Variants in ERCC6 observed in about 807,000 individuals in gnomAD.
ERCC6 encodes the protein DNA excision repair protein ERCC-6.
Under a neutral mutation model 158.7 loss-of-function variants are expected in ERCC6, and 116 were observed. The observed-to-expected ratio is 0.73, with a 90% confidence interval of 0.63 to 0.85. The LOEUF is 0.85. Ranked by LOEUF, ERCC6 falls within the 40% of genes least tolerant of loss-of-function variation. The pLI, the probability that ERCC6 is intolerant of heterozygous loss-of-function variation, is 0.00. For missense variants in ERCC6, 1,698 were observed against 1,799.4 expected, an observed-to-expected ratio of 0.94 and a Z score of 1.02; for synonymous variants, 678 against 659.3, an observed-to-expected ratio of 1.03 and a Z score of -0.43.
intron 5 of ERCC6, 59 bp downstream of exon 5, chr10:49,523,974 A>C: frequency 1.1e-5 from 17 of 1,603,130 alleles, no homozygotes; most frequent in African/African-American, 2.7e-5. Flanking sequence ...CATATTAATA[A>C]ACCTGTCACC....
At chr10:49,519,561 A>G (rs1000298378) in intron 5 of ERCC6, among the ~76,000 whole-genome samples, 1 of 152,196 alleles carries the variant, frequency 6.6e-6, no homozygotes, top group African/African-American at 2.4e-5. Context: ...CCAATGCACC[A>G]GGTCATCTGA....
In ERCC6 at chr10:49,530,734, G is replaced by C; in HGVS notation, c.529C>G (p.Gln177Glu). Residue 177 changes from glutamine to glutamate, a missense_variant, in exon 3 of 21, where the codon CAG becomes GAG. Transcript: ENST00000355832. ...TTCTGAATCACCTTATTATACTTCTGTCGTTTTACAGAATCTAGTTTCCTG... is the reference window on the plus strand; with the variant it reads ...TTCTGAATCACCTTATTATACTTCTCTCGTTTTACAGAATCTAGTTTCCTG... ...INRKLDSVKR[Q>E]KYNKEQQLKK... The C allele has an allele frequency of 1.2e-6, 2 of 1,613,390 alleles. No homozygotes were observed. The highest frequency in any genetic ancestry group is 1.7e-6 in the Non-Finnish European group (2 of 1,179,770).
intron 5 of ERCC6, among the ~76,000 whole-genome samples, chr10:49,523,519 C>T (rs778141050): frequency 6.6e-6 from 1 of 152,222 alleles, no homozygotes; most frequent in Non-Finnish European, 1.5e-5. Flanking sequence ...TATAATTATG[C>T]AGATGACTAT....
intron 19 of ERCC6, 22 bp downstream of exon 19, chr10:49,461,330 A>G: frequency 6.2e-7 from 1 of 1,609,300 alleles, no homozygotes; most frequent in Non-Finnish European, 8.5e-7. Context: ...CCTTGCAAGT[A>G]TGGCATGCAG....
chr10:49,486,541 C>G (rs1379809522), intron 8 of ERCC6, among the ~76,000 whole-genome samples: 1 of 151,242 alleles, frequency 6.6e-6, no homozygotes, highest in East Asian at 1.9e-4. Flanking sequence ...GCCAAAATAA[C>G]AGACTGAGAT....
chr10:49,458,444 C>T lies in ERCC6; in HGVS notation c.*371G>A. 1 of 255,896 alleles carries T rather than the reference C, an allele frequency of 3.9e-6. No individual in the cohort carries two copies. Among genetic ancestry groups the T allele is most frequent in the South Asian group, 4.8e-5 (1 of 20,730 alleles). The allele number at this position is 255,896 out of a possible 1,614,324, so 15.9% of individuals were successfully genotyped here. A position where few individuals can be genotyped will look rare whatever the true frequency, so the allele number is the denominator to read the frequency against. On this transcript the variant is annotated 3_prime_UTR_variant, in exon 21 of 21. Transcript: ENST00000355832. ...GACTGAATGTAAGACCTGTTTTTAG[C>T]ACCAATAAAAAAAAATATTGAGATT... is the stretch of plus-strand genomic sequence containing the variant.
chr10:49,439,938 G>A, the ERCC6 span, among the ~76,000 whole-genome samples: 3 of 152,158 alleles, frequency 2.0e-5, no homozygotes, highest in Non-Finnish European at 2.9e-5. Context: ...GACCACCTCA[G>A]TCTGGACCTT....
At chr10:49,453,031 G>T (rs573800834), downstream of ERCC6, among the ~76,000 whole-genome samples, 70 of 152,206 alleles carry the variant, frequency 4.6e-4, no homozygotes, top group African/African-American at 1.7e-3. Context: ...GTCTCTGCCT[G>T]ATTAAATTCA....
chr10:49,512,921 G>A (rs1836847673), intron 5 of ERCC6, among the ~76,000 whole-genome samples: 1 of 152,180 alleles, frequency 6.6e-6, no homozygotes. Flanking sequence ...TGGTCAACCT[G>A]TAATATCAAT....
In ERCC6 at chr10:49,528,438, C is replaced by G; in HGVS notation, c.631G>C (p.Ala211Pro). Reference sequence around the variant, plus strand: ...TCACCTGCATCCTCCTCCAGACTGGCGTGATCTAGTTCAATTTTCACCTCT... The same window carrying G: ...TCACCTGCATCCTCCTCCAGACTGGGGTGATCTAGTTCAATTTTCACCTCT... ...GAEVKIELDH[A>P]SLEEDAEPGP... The change falls in exon 4 of 21, where the codon GCC becomes CCC. Residue 211 changes from alanine (A) to proline (P), a missense_variant. By Grantham distance (27) the Ala-to-Pro change is conservative. Coordinates refer to ENST00000355832, the MANE Select transcript of ERCC6 (RefSeq NM_000124.4). 6.2e-7 allele frequency: 1 copy of G among 1,614,182 alleles called. No individual in the cohort carries two copies. The highest frequency in any genetic ancestry group is 8.5e-7 in the Non-Finnish European group (1 of 1,180,026).
At chr10:49,459,455 G>A (rs1017447320) in intron 20 of ERCC6, among the ~76,000 whole-genome samples, 6 of 151,986 alleles carry the variant, frequency 3.9e-5, no homozygotes, top group African/African-American at 7.3e-5. Flanking sequence ...AAAATAAAGA[G>A]GGGGCAACCA....
Position 49,458,784 on chromosome 10 carries a change from A to G in ERCC6, c.*31T>C, listed in dbSNP as rs1403179282. On this transcript the variant is annotated 3_prime_UTR_variant, in exon 21 of 21. Coordinates refer to ENST00000355832, the MANE Select transcript of ERCC6 (RefSeq NM_000124.4). ...ATAATCAGAAATGCCCGTTAGAAAA[A>G]GGGACTTGAAAGTTTAGGAAGCAAT... 6.2e-7 allele frequency: 1 copy of G among 1,605,894 alleles called. No individual in the cohort carries two copies. The highest frequency in any genetic ancestry group is 1.3e-5 in the African/African-American group (1 of 74,926).
chr10:49,516,630 G>C (rs201814055), intron 5 of ERCC6: 2 of 1,614,148 alleles, frequency 1.2e-6, no homozygotes, highest in Non-Finnish European at 1.7e-6. Flanking sequence ...ATATAAGTTG[G>C]AGTACTTGAC....
intron 6 of ERCC6, chr10:49,503,382 A>C (rs1425167408): frequency 1.3e-5 from 2 of 152,164 alleles, no homozygotes; most frequent in East Asian, 1.9e-4. Flanking sequence ...GATGAACAGC[A>C]CTAAGAAAAT....
chr10:49,472,749 G>T, intron 15 of ERCC6, 160 bp downstream of exon 15: 2 of 874,860 alleles, frequency 2.3e-6, no homozygotes, highest in Non-Finnish European at 3.5e-6. Context: ...CTGTCCATTT[G>T]ACTCTGAAGG....
intron 4 of ERCC6, among the ~76,000 whole-genome samples, chr10:49,526,115 TTTTATATATATATATATATATATATATA>T (rs71026253): frequency 0.43 from 45,694 of 105,642 alleles, 10,101 homozygotes; most frequent in Non-Finnish European, 0.5. Flanking sequence ...ATTTATATAT[TTTTATATATATATATATATATATATATA>T]TATATATATA....
At position 49,476,210 on chromosome 10, in the gene ERCC6, C is replaced by T. The variant is rs529182862; in HGVS notation, c.2382+5G>A. The T allele has an allele frequency of 1.2e-6, 2 of 1,602,152 alleles. No homozygotes were observed. The highest frequency in any genetic ancestry group is 1.3e-5 in the African/African-American group (1 of 74,802). On this transcript the variant is annotated splice_donor_5th_base_variant and intron_variant, in intron 12 of 20. Transcript: ENST00000355832. ...CATTTCTCCAGCTTCTATTTTTTAG[C>T]TGACCTGCATCTCTCCATTGAGAAT...
intron 5 of ERCC6, among the ~76,000 whole-genome samples, chr10:49,513,333 A>AC (rs972707551): frequency 2.6e-5 from 4 of 152,184 alleles, no homozygotes; most frequent in Non-Finnish European, 4.4e-5. Context: ...ACATATACAC[A>AC]CATACATACA....
At chr10:49,449,231 T>C (rs1487945445), downstream of ERCC6, among the ~76,000 whole-genome samples, 1 of 152,244 alleles carries the variant, frequency 6.6e-6, no homozygotes, top group Non-Finnish European at 1.5e-5. Flanking sequence ...TGACTAATGA[T>C]GTCAAGCATC....
Sources: gnomAD v4.1 joint callset for allele counts (sites outside exome capture counted in the v4.1 genomes callset) on GRCh38, gnomAD v4.1.1 for gene constraint, MANE v1.5 for transcripts, NCBI Gene and HGNC (gene_info 2026-07-23, HGNC 2026-07-21) for gene names.